COL25A1: variants seen among roughly 807,000 people sequenced by gnomAD.
COL25A1 encodes the protein collagen alpha-1(XXV) chain.
COL25A1 carries 103 observed loss-of-function variants against 128.4 expected under a neutral mutation model. That is an observed-to-expected ratio of 0.80 (90% CI 0.68 to 0.94). The LOEUF is 0.94. COL25A1 is among the 40% of genes least tolerant of loss of function. The pLI, the probability that COL25A1 is intolerant of heterozygous loss-of-function variation, is 0.00. For missense variants in COL25A1, 745 were observed against 840.0 expected, an observed-to-expected ratio of 0.89 and a Z score of 1.40; for synonymous variants, 279 against 277.2, an observed-to-expected ratio of 1.01 and a Z score of -0.06.
intron 2 of COL25A1, among the ~76,000 whole-genome samples, chr4:109,301,475 T>C (rs1026602630): frequency 1.3e-5 from 2 of 152,206 alleles, no homozygotes; most frequent in African/African-American, 2.4e-5. Context: ...TAGACCTTCC[T>C]ATGTGTTTAA....
At chr4:108,916,649 C>T (rs1284683993) in intron 13 of COL25A1, among the ~76,000 whole-genome samples, 1 of 152,138 alleles carries the variant, frequency 6.6e-6, no homozygotes, top group African/African-American at 2.4e-5. Flanking sequence ...TAAATGTTAT[C>T]TTGAGTTATA....
At position 109,098,414 on chromosome 4, in the gene COL25A1, A is replaced by G. The variant is rs117397306; in HGVS notation, c.368-48235T>C. 9.3e-4 allele frequency among the ~76,000 whole-genome samples: 142 copies of G among 152,328 alleles called. 2 individuals carry two copies. The East Asian group carries it at 0.021, about 22-fold the overall frequency. On this transcript the variant is annotated intron_variant, in intron 3 of 37. Transcript: ENST00000399132. ...TCTTCATGATACCAGCACCTGCTTT[A>G]ATCAAGGAGACCCATAATCCATGTA...
intron 5 of COL25A1, among the ~76,000 whole-genome samples, chr4:109,018,626 A>G (rs983974658): frequency 6.6e-6 from 1 of 152,170 alleles, no homozygotes; most frequent in Non-Finnish European, 1.5e-5. Context: ...AGCACCAGGG[A>G]GTAGGGATCT....
At chr4:108,880,925 T>G (rs573551386) in intron 19 of COL25A1, among the ~76,000 whole-genome samples, 12 of 152,342 alleles carry the variant, frequency 7.9e-5, no homozygotes, top group African/African-American at 2.9e-4. Flanking sequence ...TACAATAATT[T>G]TACCCATTAA....
intron 6 of COL25A1, among the ~76,000 whole-genome samples, chr4:108,982,586 G>A (rs569592438): frequency 3.3e-5 from 5 of 152,118 alleles, no homozygotes; most frequent in Admixed American, 6.5e-5. Context: ...CAGAAGAACC[G>A]TGTTTATTAT....
chr4:109,266,597 C>T (rs1234065595), intron 3 of COL25A1, among the ~76,000 whole-genome samples: 1 of 151,936 alleles, frequency 6.6e-6, no homozygotes, highest in East Asian at 1.9e-4. Flanking sequence ...TAAATGGTTG[C>T]CTCCTGACCA....
chr4:108,857,292 T>C (rs1291861354), intron 24 of COL25A1, among the ~76,000 whole-genome samples: 1 of 152,150 alleles, frequency 6.6e-6, no homozygotes, highest in African/African-American at 2.4e-5. Flanking sequence ...ACCAAAACTT[T>C]GTGTTCCCTG....
chr4:108,940,783 C>T, intron 9 of COL25A1, 137 bp from the exon 10 acceptor site: 2 of 595,942 alleles, frequency 3.4e-6, no homozygotes, highest in Non-Finnish European at 5.7e-6. Flanking sequence ...AAATATAAAG[C>T]CTGTAGGCAA....
At chr4:108,897,225 A>T (rs1475941473) in intron 15 of COL25A1, among the ~76,000 whole-genome samples, 3 of 152,174 alleles carry the variant, frequency 2.0e-5, no homozygotes, top group Non-Finnish European at 4.4e-5. Flanking sequence ...TGGACTGAAT[A>T]TTGATTTATC....
chr4:109,091,249 A>G (rs1764865205), intron 3 of COL25A1, among the ~76,000 whole-genome samples: 1 of 152,024 alleles, frequency 6.6e-6, no homozygotes, highest in Non-Finnish European at 1.5e-5. Flanking sequence ...GTCTCTCCCT[A>G]CACCTCCAAA....
intron 14 of COL25A1, among the ~76,000 whole-genome samples, chr4:108,899,407 G>C (rs1742558897): frequency 6.6e-6 from 1 of 151,994 alleles, no homozygotes; most frequent in Admixed American, 6.6e-5. Flanking sequence ...TGCTTTTATA[G>C]CACTAAATAA....
intron 3 of COL25A1, among the ~76,000 whole-genome samples, chr4:109,088,965 A>C (rs906872866): frequency 6.6e-5 from 10 of 152,210 alleles, no homozygotes; most frequent in Admixed American, 5.2e-4. Flanking sequence ...AAAGAGAAAG[A>C]AGCAGAAAGA....
intron 13 of COL25A1, among the ~76,000 whole-genome samples, chr4:108,909,181 C>T (rs550230354): frequency 2.0e-4 from 30 of 152,262 alleles, no homozygotes; most frequent in Admixed American, 1.8e-3. Flanking sequence ...TCAACCTACG[C>T]CCAGGAATGG....
At chr4:109,289,107 T>C (rs994321268) in intron 3 of COL25A1, among the ~76,000 whole-genome samples, 17 of 152,050 alleles carry the variant, frequency 1.1e-4, no homozygotes, top group African/African-American at 4.1e-4. Flanking sequence ...CTGCATTGTC[T>C]ACAGTACATC....
intron 5 of COL25A1, among the ~76,000 whole-genome samples, chr4:109,020,632 T>A (rs1054894303): frequency 2.6e-5 from 4 of 152,144 alleles, no homozygotes; most frequent in African/African-American, 9.6e-5. Context: ...GGTTGACAAG[T>A]TGTCACATTA....
chr4:109,040,696 G>A (rs541442281), intron 5 of COL25A1, among the ~76,000 whole-genome samples: 1 of 152,246 alleles, frequency 6.6e-6, no homozygotes, highest in Admixed American at 6.5e-5. Flanking sequence ...AAGCAAAACA[G>A]GAAGCAGTGA....
intron 3 of COL25A1, among the ~76,000 whole-genome samples, chr4:109,148,771 C>T (rs1330264919): frequency 2.0e-5 from 3 of 152,186 alleles, no homozygotes; most frequent in African/African-American, 7.2e-5. Flanking sequence ...CTTTAACCTC[C>T]GGCCAGTTTC....
At chr4:109,272,633 T>A (rs148732362) in intron 3 of COL25A1, among the ~76,000 whole-genome samples, 3 of 152,212 alleles carry the variant, frequency 2.0e-5, no homozygotes, top group Non-Finnish European at 4.4e-5. Flanking sequence ...GACAAGGCAC[T>A]GTGGGAGTTA....
chr4:109,293,306 T>A (rs962038932), intron 3 of COL25A1, among the ~76,000 whole-genome samples: 2 of 152,066 alleles, frequency 1.3e-5, no homozygotes, highest in Non-Finnish European at 2.9e-5. Flanking sequence ...CTAAGTATGA[T>A]GATAAAGAAA....
Sources: gnomAD v4.1 joint callset for allele counts (sites outside exome capture counted in the v4.1 genomes callset) on GRCh38, gnomAD v4.1.1 for gene constraint, MANE v1.5 for transcripts, NCBI Gene and HGNC (gene_info 2026-07-23, HGNC 2026-07-21) for gene names.